RNGTT: variants seen among roughly 807,000 people sequenced by gnomAD.
The protein encoded by RNGTT is mRNA-capping enzyme.
In RNGTT, 33 loss-of-function variants were observed where a neutral mutation model predicts 79.3. The observed-to-expected ratio is 0.42, with a 90% confidence interval of 0.32 to 0.56. RNGTT has a LOEUF of 0.56. Ranked by LOEUF, RNGTT falls within the 20% of genes least tolerant of loss-of-function variation. RNGTT has a pLI of 0.17. For missense variants in RNGTT, 497 were observed against 739.1 expected (o/e 0.67, Z 3.80); for synonymous variants, 222 against 235.9 (o/e 0.94, Z 0.54).
intron 12 of RNGTT, among the ~76,000 whole-genome samples, chr6:88,799,862 C>T (rs1244554510): frequency 6.6e-6 from 1 of 152,088 alleles, no homozygotes; most frequent in African/African-American, 2.4e-5. Context: ...GTTTCACACA[C>T]TGAAATTTTC....
At chr6:88,759,656 T>A (rs991693165) in intron 13 of RNGTT, among the ~76,000 whole-genome samples, 1 of 151,772 alleles carries the variant, frequency 6.6e-6, no homozygotes, top group East Asian at 1.9e-4. Context: ...TTCTCCTTCC[T>A]CACTGAGAAC....
At chr6:88,937,137 G>A (rs1784690360) in intron 2 of RNGTT, among the ~76,000 whole-genome samples, 2 of 152,068 alleles carry the variant, frequency 1.3e-5, no homozygotes, top group Non-Finnish European at 2.9e-5. Context: ...GAGGTCAGGA[G>A]TTCCGAGACC....
rs1010711859 is a variant in RNGTT at position 88,939,107 on chromosome 6, C to G, written c.174+1964G>C. Among the ~76,000 whole-genome samples the G allele has an allele frequency of 2.6e-5, 4 of 152,214 alleles. No homozygotes were observed. The East Asian group carries it at 7.7e-4, about 29-fold the overall frequency. Reference sequence around the variant, plus strand: ...TGGAGAAGACCTTTTTAGATATTATCTTTTGTGGGATCTTTGATCCTCTTG... The same window carrying G: ...TGGAGAAGACCTTTTTAGATATTATGTTTTGTGGGATCTTTGATCCTCTTG... On this transcript the variant is annotated intron_variant, in intron 2 of 15. Coordinates refer to ENST00000369485, the MANE Select transcript of RNGTT (RefSeq NM_003800.5).
At chr6:88,935,077 G>A (rs1562054078) in intron 2 of RNGTT, among the ~76,000 whole-genome samples, 1 of 152,128 alleles carries the variant, frequency 6.6e-6, no homozygotes, top group Non-Finnish European at 1.5e-5. Context: ...TACATTTAAA[G>A]TCTTTAATCC....
chr6:88,883,521 T>C (rs191763610), intron 8 of RNGTT, among the ~76,000 whole-genome samples: 2 of 152,276 alleles, frequency 1.3e-5, no homozygotes, highest in East Asian at 3.9e-4. Flanking sequence ...ATGACTCAGT[T>C]CCAACCTTAG....
intron 14 of RNGTT, among the ~76,000 whole-genome samples, chr6:88,624,868 C>A (rs1772569615): frequency 6.6e-6 from 1 of 151,650 alleles, no homozygotes; most frequent in Non-Finnish European, 1.5e-5. Context: ...AATCTTAAAA[C>A]TCAGTAAGAA....
intron 6 of RNGTT, among the ~76,000 whole-genome samples, chr6:88,897,441 C>G (rs1260972437): frequency 6.6e-6 from 1 of 152,188 alleles, no homozygotes; most frequent in East Asian, 1.9e-4. Context: ...CCTTGCACTT[C>G]CTCAGAGATT....
At chr6:88,728,480 A>G (rs576069379) in intron 13 of RNGTT, among the ~76,000 whole-genome samples, 2 of 152,346 alleles carry the variant, frequency 1.3e-5, no homozygotes. Context: ...CTAAAGAGCA[A>G]GAATAGACTG....
chr6:88,962,516 T>TA (rs1252370022), intron 1 of RNGTT, among the ~76,000 whole-genome samples: 1 of 152,046 alleles, frequency 6.6e-6, no homozygotes, highest in African/African-American at 2.4e-5. Flanking sequence ...CTCACGGCTG[T>TA]AATCCCAGCA....
At chr6:88,882,894 CCAGA>C (rs1782734758) in intron 8 of RNGTT, among the ~76,000 whole-genome samples, 1 of 152,126 alleles carries the variant, frequency 6.6e-6, no homozygotes, top group South Asian at 2.1e-4. Context: ...TTCCTAGCCT[CCAGA>C]ACTATGAAAA....
chr6:88,697,518 T>C (rs1029108579), intron 13 of RNGTT, among the ~76,000 whole-genome samples: 3 of 151,754 alleles, frequency 2.0e-5, no homozygotes. Flanking sequence ...GCCACTGCAC[T>C]CCAGCATGGG....
At chr6:88,790,556 C>G (rs917651841) in intron 12 of RNGTT, among the ~76,000 whole-genome samples, 1 of 152,078 alleles carries the variant, frequency 6.6e-6, no homozygotes, top group Non-Finnish European at 1.5e-5. Flanking sequence ...AAGGATTGAC[C>G]TCCAGACAGG....
At chr6:88,698,276 ATAT>A (rs1386151634) in intron 13 of RNGTT, among the ~76,000 whole-genome samples, 2 of 125,274 alleles carry the variant, frequency 1.6e-5, no homozygotes, top group South Asian at 2.4e-4. Flanking sequence ...TATGATATAT[ATAT>A]TTCATATATA....
At chr6:88,721,676 T>C (rs1017866717) in intron 13 of RNGTT, among the ~76,000 whole-genome samples, 5 of 152,136 alleles carry the variant, frequency 3.3e-5, no homozygotes, top group African/African-American at 7.2e-5. Context: ...TATCTCATTA[T>C]AACAACCTTC....
chr6:88,925,919 G>A (rs1396709552), intron 4 of RNGTT, among the ~76,000 whole-genome samples: 1 of 152,094 alleles, frequency 6.6e-6, no homozygotes, highest in Non-Finnish European at 1.5e-5. Flanking sequence ...TTCATCCTTA[G>A]ACATTTTGAT....
At chr6:88,935,022 C>T (rs1784622906) in intron 2 of RNGTT, among the ~76,000 whole-genome samples, 2 of 152,168 alleles carry the variant, frequency 1.3e-5, no homozygotes, top group Non-Finnish European at 2.9e-5. Context: ...ACGGTGTTTT[C>T]CCTATGTTTT....
At chr6:88,710,256 C>T (rs1259691583) in intron 13 of RNGTT, among the ~76,000 whole-genome samples, 2 of 152,154 alleles carry the variant, frequency 1.3e-5, no homozygotes, top group African/African-American at 2.4e-5. Flanking sequence ...GTGCACACCA[C>T]ATTTGGACTT....
chr6:88,697,266 C>T (rs567391196), intron 13 of RNGTT, among the ~76,000 whole-genome samples: 1 of 152,220 alleles, frequency 6.6e-6, no homozygotes, highest in Non-Finnish European at 1.5e-5. Flanking sequence ...ATATGCATCC[C>T]TTTTATTAAA....
chr6:88,625,513 A>G (rs1772594128), intron 14 of RNGTT, among the ~76,000 whole-genome samples: 3 of 152,008 alleles, frequency 2.0e-5, no homozygotes, highest in Admixed American at 2.0e-4. Flanking sequence ...CATTTACATG[A>G]CATACTGGAA....
Sources: gnomAD v4.1 joint callset for allele counts (sites outside exome capture counted in the v4.1 genomes callset) on GRCh38, gnomAD v4.1.1 for gene constraint, MANE v1.5 for transcripts, NCBI Gene and HGNC (gene_info 2026-07-23, HGNC 2026-07-21) for gene names.